The following CDYL2 variants were observed in gnomAD, a reference collection of about 807,000 sequenced individuals.
The protein encoded by CDYL2 is chromodomain Y-like protein 2.
A neutral mutation model predicts 49.4 loss-of-function variants in CDYL2; 23 were observed. That is an observed-to-expected ratio of 0.47 (90% confidence interval 0.34 to 0.66). The LOEUF is 0.66. CDYL2 is among the 30% of genes least tolerant of loss of function. CDYL2 has a pLI of 0.01. For synonymous variants in CDYL2, 360 were observed against 268.8 expected (o/e 1.34, Z -3.32); for missense variants, 678 against 656.4 (o/e 1.03, Z -0.36).
chr16:80,643,645 C>T (rs1024843659), intron 2 of CDYL2, among the ~76,000 whole-genome samples: 5 of 152,246 alleles, frequency 3.3e-5, no homozygotes, highest in African/African-American at 1.2e-4. Context: ...CTTCTGGGCA[C>T]TCATAGGCTC....
chr16:80,685,073 GA>G lies in CDYL2; in HGVS notation c.80del (p.Ile27ThrfsTer120). The G allele has an allele frequency of 6.2e-7, 1 of 1,614,066 alleles. No individual in the cohort carries two copies. Among genetic ancestry groups the G allele is most frequent in the Non-Finnish European group, 8.5e-7 (1 of 1,180,008 alleles). The part of the protein sequence containing the change: ...KNKKGKWEYL[I>X]RWKGYGSTED... Reference sequence around the variant, plus strand: ...CGGTGCTCCCGTAGCCTTTCCATCGGATAAGATACTCCCATTTTCCTTTCTT... The same window carrying G: ...CGGTGCTCCCGTAGCCTTTCCATCGGTAAGATACTCCCATTTTCCTTTCTT... On this transcript the variant is annotated frameshift_variant, in exon 2 of 7. Coordinates refer to ENST00000570137, the MANE Select transcript of CDYL2 (RefSeq NM_152342.4). LOFTEE classifies it high-confidence loss of function.
intron 1 of CDYL2, among the ~76,000 whole-genome samples, chr16:80,703,411 A>G (rs1904314962): frequency 6.6e-6 from 1 of 152,160 alleles, no homozygotes; most frequent in Non-Finnish European, 1.5e-5. Flanking sequence ...GAATGAATGA[A>G]CACAGAAAGC....
chr16:80,746,994 T>G (rs934504465), intron 1 of CDYL2, among the ~76,000 whole-genome samples: 1 of 152,020 alleles, frequency 6.6e-6, no homozygotes, highest in South Asian at 2.1e-4. Context: ...AGCCACTACC[T>G]CTCCTGGGTT....
intron 1 of CDYL2, among the ~76,000 whole-genome samples, chr16:80,729,135 A>T (rs1905250470): frequency 2.0e-5 from 3 of 152,248 alleles, no homozygotes; most frequent in Admixed American, 6.5e-5. Context: ...TAAATGCTCC[A>T]ATTAAAAGAC....
chr16:80,717,173 G>A (rs891170477), intron 1 of CDYL2, among the ~76,000 whole-genome samples: 2 of 150,524 alleles, frequency 1.3e-5, no homozygotes, highest in African/African-American at 2.4e-5. Context: ...ATGGATGGAT[G>A]GATGGATGGA....
chr16:80,631,100 G>C (rs574534453), intron 3 of CDYL2, among the ~76,000 whole-genome samples: 1 of 152,210 alleles, frequency 6.6e-6, no homozygotes, highest in East Asian at 1.9e-4. Context: ...AGAGACAAAA[G>C]GGCGAGCAAG....
chr16:80,708,347 T>TA (rs779205994), intron 1 of CDYL2, among the ~76,000 whole-genome samples: 61 of 152,300 alleles, frequency 4.0e-4, no homozygotes, highest in Non-Finnish European at 5.4e-4. Flanking sequence ...GATGGTCTTA[T>TA]AAAGGGCAGT....
At chr16:80,670,370 C>T (rs1909450649) in intron 2 of CDYL2, among the ~76,000 whole-genome samples, 3 of 152,094 alleles carry the variant, frequency 2.0e-5, no homozygotes, top group African/African-American at 4.8e-5. Context: ...AGGGGCTTTC[C>T]CCCGGTTGCT....
At chr16:80,680,316 C>T (rs1003010291) in intron 2 of CDYL2, among the ~76,000 whole-genome samples, 4 of 152,314 alleles carry the variant, frequency 2.6e-5, no homozygotes, top group East Asian at 3.9e-4. Flanking sequence ...GGATCTTAAA[C>T]GTCCTTTCAG....
intron 2 of CDYL2, among the ~76,000 whole-genome samples, chr16:80,648,180 T>C (rs773824459): frequency 2.6e-5 from 4 of 151,586 alleles, no homozygotes; most frequent in Non-Finnish European, 5.9e-5. Context: ...ATAGATAAAA[T>C]TGAAAAGAAG....
intron 2 of CDYL2, among the ~76,000 whole-genome samples, chr16:80,653,961 T>C (rs1908695866): frequency 2.0e-5 from 3 of 151,858 alleles, no homozygotes; most frequent in African/African-American, 7.3e-5. Flanking sequence ...TGGTGTCGAG[T>C]GTGAGCCATC....
At chr16:80,756,324 T>A (rs145661060) in intron 1 of CDYL2, among the ~76,000 whole-genome samples, 97 of 152,176 alleles carry the variant, frequency 6.4e-4, no homozygotes, top group African/African-American at 2.3e-3. Flanking sequence ...CTGTCTAGTC[T>A]ATTTAAAGAA....
intron 1 of CDYL2, among the ~76,000 whole-genome samples, chr16:80,705,111 C>T (rs1904361451): frequency 6.6e-6 from 1 of 152,218 alleles, no homozygotes; most frequent in Admixed American, 6.5e-5. Flanking sequence ...GCTCAGCCAT[C>T]CCTCTGAGAC....
At chr16:80,686,330 T>A (rs986075480) in intron 1 of CDYL2, among the ~76,000 whole-genome samples, 1 of 152,226 alleles carries the variant, frequency 6.6e-6, no homozygotes, top group Non-Finnish European at 1.5e-5. Flanking sequence ...TTGAAACTTT[T>A]TCAATTAAAA....
chr16:80,701,989 T>C (rs1311616587), intron 1 of CDYL2, among the ~76,000 whole-genome samples: 1 of 152,064 alleles, frequency 6.6e-6, no homozygotes, highest in African/African-American at 2.4e-5. Context: ...CCTTCATATA[T>C]TAGGAGATAA....
Position 80,598,280 on chromosome 16 carries a change from G to A in CDYL2, c.*6108C>T, listed in dbSNP as rs1905925568. ...TGCAAAGGTCTCGGTGGATTTTGGT[G>A]TATGCTACATCCATGATCAAATCCA... On this transcript the variant is annotated 3_prime_UTR_variant, in exon 7 of 7. Coordinates refer to ENST00000570137, the MANE Select transcript of CDYL2 (RefSeq NM_152342.4). 1.3e-5 allele frequency: 2 copies of A among 151,482 alleles called. No homozygotes were observed. Among genetic ancestry groups the A allele is most frequent in the Non-Finnish European group, 1.5e-5 (1 of 67,842 alleles). 9.4% of individuals were successfully genotyped at this position (151,482 alleles called of 1,614,324 possible).
chr16:80,717,858 A>G (rs1475453408), intron 1 of CDYL2, among the ~76,000 whole-genome samples: 1 of 152,242 alleles, frequency 6.6e-6, no homozygotes, highest in Non-Finnish European at 1.5e-5. Context: ...AATGTGACAA[A>G]GTTCCTAGAA....
rs564237513 is a variant in CDYL2, at chr16:80,785,794, T to C, written c.24+18356A>G. Among the ~76,000 whole-genome samples, 8 of 152,194 alleles carry C rather than the reference T, an allele frequency of 5.3e-5. No homozygotes were observed. The South Asian group carries it at 1.5e-3, about 28-fold the overall frequency. On this transcript the variant is annotated intron_variant, in intron 1 of 6. Coordinates refer to ENST00000570137, the MANE Select transcript of CDYL2 (RefSeq NM_152342.4). ...AGACCAATGGAACAGAAAATAGGCC[T>C]CAGAAATAACACCACACATCTACCG...
At chr16:80,670,142 C>A (rs1270916040) in intron 2 of CDYL2, among the ~76,000 whole-genome samples, 5 of 152,188 alleles carry the variant, frequency 3.3e-5, no homozygotes, top group Admixed American at 2.6e-4. Flanking sequence ...TTTCCCTCAA[C>A]AAAAGCACAT....
Sources: gnomAD v4.1 joint callset for allele counts (sites outside exome capture counted in the v4.1 genomes callset) on GRCh38, gnomAD v4.1.1 for gene constraint, MANE v1.5 for transcripts, NCBI Gene and HGNC (gene_info 2026-07-23, HGNC 2026-07-21) for gene names.